TMEM131: variants seen among roughly 807,000 people sequenced by gnomAD.
The protein encoded by TMEM131 is transmembrane protein 131, also known as 2610524E03Rik.
A neutral mutation model predicts 211.6 loss-of-function variants in TMEM131; 66 were observed. The ratio of observed to expected loss-of-function variants is 0.31; its 90% CI spans 0.26 to 0.38. TMEM131 has a LOEUF of 0.38. Ranked by LOEUF, TMEM131 falls within the 10% of genes least tolerant of loss-of-function variation. The pLI, the probability that TMEM131 is intolerant of heterozygous loss-of-function variation, is 1.00. For synonymous variants in TMEM131, 844 were observed against 841.3 expected, an observed-to-expected ratio of 1.00 and a Z score of -0.06; for missense variants, 2,036 against 2,299.3, an observed-to-expected ratio of 0.89 and a Z score of 2.34.
chr2:97,954,487 C>T (rs1169322126), intron 1 of TMEM131, among the ~76,000 whole-genome samples: 1 of 152,132 alleles, frequency 6.6e-6, no homozygotes, highest in Non-Finnish European at 1.5e-5. Flanking sequence ...TACCCATAAC[C>T]ATTAAAGACA....
At chr2:97,917,687 G>A (rs1399197960) in intron 2 of TMEM131, among the ~76,000 whole-genome samples, 1 of 152,120 alleles carries the variant, frequency 6.6e-6, no homozygotes, top group Admixed American at 6.5e-5. Flanking sequence ...CTGAGCAAAG[G>A]GGGAAAAGCC....
In TMEM131 at chr2:97,874,747, C is replaced by A. The variant is rs566855608; in HGVS notation, c.359+13305G>T. Among the ~76,000 whole-genome samples the A allele has an allele frequency of 2.0e-5, 3 of 152,166 alleles. No individual in the cohort carries two copies. The South Asian group carries it at 6.2e-4, about 32-fold the overall frequency. On this transcript the variant is annotated intron_variant, in intron 4 of 40. Coordinates refer to ENST00000186436, the MANE Select transcript of TMEM131 (RefSeq NM_015348.2). The stretch of plus-strand genomic sequence containing the variant: ...AAGCACTAAATATGGACAGGAACAA[C>A]CAGTAGCATCCACTGTAAAAATATA...
intron 2 of TMEM131, among the ~76,000 whole-genome samples, chr2:97,910,357 G>A (rs1262382189): frequency 6.6e-6 from 1 of 152,072 alleles, no homozygotes; most frequent in Admixed American, 6.6e-5. Flanking sequence ...ATTACCATAC[G>A]ACCCGCAATC....
At chr2:97,899,996 A>C (rs1227602527) in intron 3 of TMEM131, among the ~76,000 whole-genome samples, 1 of 152,070 alleles carries the variant, frequency 6.6e-6, no homozygotes, top group East Asian at 1.9e-4. Flanking sequence ...TGAAAATCAC[A>C]AGTCAAAAAT....
chr2:97,910,930 G>A (rs1303102039), intron 2 of TMEM131, among the ~76,000 whole-genome samples: 1 of 152,004 alleles, frequency 6.6e-6, no homozygotes, highest in African/African-American at 2.4e-5. Context: ...CTAGATATAT[G>A]CCCAAGAGAA....
intron 1 of TMEM131, among the ~76,000 whole-genome samples, chr2:97,963,296 T>G (rs1175408765): frequency 6.8e-6 from 1 of 146,102 alleles, no homozygotes; most frequent in Non-Finnish European, 1.5e-5. Context: ...GGCACATAGA[T>G]GTCACCTCAT....
chr2:97,827,085 A>G (rs1682427876), intron 11 of TMEM131, among the ~76,000 whole-genome samples: 1 of 152,108 alleles, frequency 6.6e-6, no homozygotes, highest in Admixed American at 6.5e-5. Context: ...AAAAAAAAAA[A>G]AAAAAATTTT....
chr2:97,792,600 C>T lies in TMEM131; in HGVS notation c.3930G>A (p.Val1310=), dbSNP rs1316519362. The T allele has an allele frequency of 6.2e-7, 1 of 1,612,726 alleles. No individual in the cohort carries two copies. Among genetic ancestry groups the T allele is most frequent in the Admixed American group, 1.7e-5 (1 of 59,906 alleles). The change falls in exon 31 of 41, where the codon GTG becomes GTA. Residue 1310 remains valine, a synonymous_variant. Transcript: ENST00000186436. Reference sequence around the variant, plus strand: ...CAGGCTGCGGCTCCTGGGGCTGAGGCACTGGCGGTGGCAGAGGAGGCTGAG... The same window carrying T: ...CAGGCTGCGGCTCCTGGGGCTGAGGTACTGGCGGTGGCAGAGGAGGCTGAG... The part of the protein sequence containing the change: ...QHPQPPLPPP[V]PQPQEPQPER...
At chr2:97,838,270 C>T (rs892755977) in intron 7 of TMEM131, among the ~76,000 whole-genome samples, 1 of 151,816 alleles carries the variant, frequency 6.6e-6, no homozygotes, top group Non-Finnish European at 1.5e-5. Flanking sequence ...GGTAAGCTAA[C>T]CCTAATTCTT....
intron 5 of TMEM131, among the ~76,000 whole-genome samples, chr2:97,850,604 TG>T (rs1348735015): frequency 6.6e-6 from 1 of 152,008 alleles, no homozygotes; most frequent in Non-Finnish European, 1.5e-5. Context: ...CATTTACCTA[TG>T]TAACGAACCT....
At chr2:97,800,521 G>T in intron 25 of TMEM131, among the ~76,000 whole-genome samples, 1 of 151,452 alleles carries the variant, frequency 6.6e-6, no homozygotes, top group Non-Finnish European at 1.5e-5. Flanking sequence ...AGGCCAAGGT[G>T]GGTGGATCAC....
At chr2:97,969,141 A>G (rs1679187360) in intron 1 of TMEM131, among the ~76,000 whole-genome samples, 1 of 152,104 alleles carries the variant, frequency 6.6e-6, no homozygotes. Context: ...AATTCAGCTG[A>G]CAAACTAACT....
intron 10 of TMEM131, among the ~76,000 whole-genome samples, 184 bp downstream of exon 10, chr2:97,834,437 C>G (rs1682847011): frequency 6.6e-6 from 1 of 152,166 alleles, no homozygotes; most frequent in Non-Finnish European, 1.5e-5. Context: ...CCACCCACCC[C>G]TCAGCGGAAT....
chr2:97,946,890 G>A, intron 1 of TMEM131, among the ~76,000 whole-genome samples: 1 of 151,200 alleles, frequency 6.6e-6, no homozygotes. Context: ...GACCAAGTGG[G>A]ATTTATCCCA....
At chr2:97,827,234 T>A in intron 11 of TMEM131, 1 of 764,098 alleles carries the variant, frequency 1.3e-6, no homozygotes. Flanking sequence ...GCACGCGCCT[T>A]CCCCGCCGCC....
At chr2:97,945,932 G>A (rs1678015825) in intron 1 of TMEM131, among the ~76,000 whole-genome samples, 1 of 152,062 alleles carries the variant, frequency 6.6e-6, no homozygotes, top group African/African-American at 2.4e-5. Context: ...AGAGGAGGTT[G>A]GTATCCTTAC....
chr2:97,953,647 A>T (rs1194322521), intron 1 of TMEM131, among the ~76,000 whole-genome samples: 1 of 152,198 alleles, frequency 6.6e-6, no homozygotes, highest in Non-Finnish European at 1.5e-5. Flanking sequence ...CTGAACAACA[A>T]TCAACCAACA....
At chr2:97,880,476 G>A (rs915046336) in intron 4 of TMEM131, among the ~76,000 whole-genome samples, 1 of 152,088 alleles carries the variant, frequency 6.6e-6, no homozygotes, top group African/African-American at 2.4e-5. Context: ...TAAGAGGAGA[G>A]GGGTAAGTAG....
At chr2:97,945,262 G>A (rs1677978496) in intron 1 of TMEM131, among the ~76,000 whole-genome samples, 2 of 152,124 alleles carry the variant, frequency 1.3e-5, no homozygotes, top group African/African-American at 4.8e-5. Context: ...TCCAGAATAG[G>A]CAAAAAGAAC....
Sources: allele counts gnomAD v4.1 joint callset (sites outside exome capture counted in the v4.1 genomes callset), GRCh38; gene constraint gnomAD v4.1.1; transcripts MANE v1.5; gene names NCBI Gene and HGNC (gene_info 2026-07-23, HGNC 2026-07-21).